The following KPNA1 variants were observed in gnomAD, a reference collection of about 807,000 sequenced individuals.
KPNA1 encodes karyopherin subunit alpha 1, also known as importin subunit alpha-5.
Under a neutral mutation model 70.5 loss-of-function variants are expected in KPNA1, and 10 were observed. The ratio of observed to expected loss-of-function variants is 0.14; its 90% CI spans 0.09 to 0.24. The LOEUF (loss-of-function observed/expected upper bound fraction) is 0.24, where lower values mean the gene tolerates loss of function less well. Ranked by LOEUF, KPNA1 falls within the 10% of genes least tolerant of loss-of-function variation. The pLI is 1.00. For missense variants in KPNA1, 397 were observed against 637.9 expected, an observed-to-expected ratio of 0.62 and a Z score of 4.07; for synonymous variants, 192 against 221.9, an observed-to-expected ratio of 0.87 and a Z score of 1.20.
chr3:122,479,768 C>A (rs1484131260), intron 2 of KPNA1, among the ~76,000 whole-genome samples: 1 of 152,002 alleles, frequency 6.6e-6, no homozygotes, highest in African/African-American at 2.4e-5. Context: ...TCAACAACAA[C>A]AACAAAAATT....
intron 3 of KPNA1, among the ~76,000 whole-genome samples, chr3:122,465,801 A>C (rs1033003926): frequency 6.6e-6 from 1 of 152,226 alleles, no homozygotes; most frequent in Non-Finnish European, 1.5e-5. Context: ...GGCCTCATCC[A>C]ATCAGTTGAA....
intron 2 of KPNA1, among the ~76,000 whole-genome samples, chr3:122,490,989 A>T (rs2076691989): frequency 6.6e-6 from 1 of 152,212 alleles, no homozygotes; most frequent in Non-Finnish European, 1.5e-5. Flanking sequence ...GTGAAGATTC[A>T]TTTATACTTC....
At chr3:122,498,666 T>G (rs1260335348) in intron 1 of KPNA1, among the ~76,000 whole-genome samples, 1 of 152,236 alleles carries the variant, frequency 6.6e-6, no homozygotes, top group East Asian at 1.9e-4. Flanking sequence ...TCAAAATAAG[T>G]TTTGAACTCG....
intron 2 of KPNA1, among the ~76,000 whole-genome samples, chr3:122,477,756 T>C (rs1182538085): frequency 6.6e-6 from 1 of 152,096 alleles, no homozygotes; most frequent in Non-Finnish European, 1.5e-5. Context: ...ATCTGTATAT[T>C]AATTTGCTTG....
At chr3:122,496,688 G>T (rs1021197042) in intron 1 of KPNA1, 118 bp from the exon 2 acceptor site, 2 of 876,736 alleles carry the variant, frequency 2.3e-6, no homozygotes, top group Non-Finnish European at 3.5e-6. Context: ...CATCAGAAAT[G>T]GCTACTTCCC....
At chr3:122,514,219 C>A (rs1472716169) in intron 1 of KPNA1, among the ~76,000 whole-genome samples, 1 of 152,160 alleles carries the variant, frequency 6.6e-6, no homozygotes, top group Non-Finnish European at 1.5e-5. Context: ...CTCCACCCCC[C>A]GCTTCCCCCA....
At chr3:122,466,621 G>GA (rs2076383271) in intron 3 of KPNA1, among the ~76,000 whole-genome samples, 1 of 152,190 alleles carries the variant, frequency 6.6e-6, no homozygotes, top group African/African-American at 2.4e-5. Context: ...GTTTACAACA[G>GA]AAAAATCCAA....
intron 2 of KPNA1, chr3:122,483,340 G>GTTGTT (rs773370083): frequency 1.7e-4 from 27 of 154,560 alleles, no homozygotes; most frequent in African/African-American, 4.8e-4. Flanking sequence ...TTTCATTGTT[G>GTTGTT]TTGTTTTGTT....
intron 1 of KPNA1, among the ~76,000 whole-genome samples, chr3:122,507,019 C>T (rs1431649538): frequency 6.6e-6 from 1 of 152,090 alleles, no homozygotes; most frequent in African/African-American, 2.4e-5. Flanking sequence ...AATATGAGGG[C>T]TTGGTTAAAG....
chr3:122,440,656 A>G (rs1224427295), intron 10 of KPNA1, among the ~76,000 whole-genome samples: 2 of 152,218 alleles, frequency 1.3e-5, no homozygotes, highest in East Asian at 3.8e-4. Context: ...CCTTCCAGAG[A>G]AATTTTATGC....
At chr3:122,466,251 A>C (rs1560036788) in intron 3 of KPNA1, among the ~76,000 whole-genome samples, 1 of 152,098 alleles carries the variant, frequency 6.6e-6, no homozygotes, top group Admixed American at 6.5e-5. Flanking sequence ...TTTACCAAAA[A>C]AAAAGGTGGG....
At chr3:122,433,863 C>T in intron 11 of KPNA1, 75 bp from the exon 12 acceptor site, 3 of 1,225,262 alleles carry the variant, frequency 2.4e-6, no homozygotes, top group Admixed American at 5.0e-5. Context: ...ATTATAATTT[C>T]TAAGCTAGTT....
chr3:122,485,969 G>C (rs776612674), intron 2 of KPNA1, among the ~76,000 whole-genome samples: 6 of 152,076 alleles, frequency 3.9e-5, no homozygotes, highest in Non-Finnish European at 7.4e-5. Flanking sequence ...AAATAGAAAA[G>C]ACTGACCATA....
At chr3:122,482,763 G>A (rs73190142) in intron 2 of KPNA1, among the ~76,000 whole-genome samples, 1 of 152,024 alleles carries the variant, frequency 6.6e-6, no homozygotes, top group Non-Finnish European at 1.5e-5. Flanking sequence ...GAAATACTTA[G>A]GGAAAAATCT....
intron 5 of KPNA1, chr3:122,459,386 C>A: frequency 2.0e-6 from 2 of 980,754 alleles, no homozygotes; most frequent in Non-Finnish European, 2.4e-6. Flanking sequence ...CTCTCATTCC[C>A]AGAGACAGGA....
intron 9 of KPNA1, among the ~76,000 whole-genome samples, chr3:122,448,898 C>T (rs964000301): frequency 6.6e-6 from 1 of 152,214 alleles, no homozygotes; most frequent in Non-Finnish European, 1.5e-5. Flanking sequence ...CATTACTGAT[C>T]TGCATCCAGT....
chr3:122,500,907 T>G (rs1280656553), intron 1 of KPNA1, among the ~76,000 whole-genome samples: 2 of 151,928 alleles, frequency 1.3e-5, no homozygotes, highest in Non-Finnish European at 2.9e-5. Context: ...TCATTAATTT[T>G]CACTCTACTC....
chr3:122,435,584 C>T (rs901881349), intron 11 of KPNA1, among the ~76,000 whole-genome samples: 1 of 152,102 alleles, frequency 6.6e-6, no homozygotes, highest in Non-Finnish European at 1.5e-5. Flanking sequence ...AAGTCAGGGA[C>T]CCTGAATGGA....
At chr3:122,433,851 T>A in intron 11 of KPNA1, 63 bp from the exon 12 acceptor site, 1 of 1,286,532 alleles carries the variant, frequency 7.8e-7, no homozygotes, top group Non-Finnish European at 1.1e-6. Flanking sequence ...TTCATGATAC[T>A]AATTATAATT....
Sources: allele counts gnomAD v4.1 joint callset (sites outside exome capture counted in the v4.1 genomes callset), GRCh38; gene constraint gnomAD v4.1.1; transcripts MANE v1.5; gene names NCBI Gene and HGNC (gene_info 2026-07-23, HGNC 2026-07-21).